Variants in JAM3 observed in about 807,000 individuals in gnomAD.
JAM3 encodes junctional adhesion molecule 3, also known as junctional adhesion molecule C.
In JAM3, 31 loss-of-function variants were observed where a neutral mutation model predicts 39.4. The ratio of observed to expected loss-of-function variants is 0.79; its 90% CI spans 0.59 to 1.06. The LOEUF (loss-of-function observed/expected upper bound fraction) is 1.06. JAM3 is among the 50% of genes least tolerant of loss of function. The probability of loss-of-function intolerance (pLI) is 0.00; values close to 1 mark genes in which losing one functional copy is unlikely to be tolerated. For synonymous variants in JAM3, 182 were observed against 148.7 expected (o/e 1.22, Z -1.63); for missense variants, 455 against 391.4 (o/e 1.16, Z -1.37).
chr11:134,088,402 T>A (rs977413727), intron 1 of JAM3, among the ~76,000 whole-genome samples: 9 of 152,278 alleles, frequency 5.9e-5, no homozygotes, highest in African/African-American at 2.2e-4. Context: ...CATTTTTTTT[T>A]TTATTTTTTA....
In JAM3 at chr11:134,144,841, C is replaced by A; in HGVS notation, c.459C>A (p.Gly153=). The A allele has an allele frequency of 6.2e-7, 1 of 1,614,212 alleles. No homozygotes were observed. Among genetic ancestry groups the A allele is most frequent in the Non-Finnish European group, 8.5e-7 (1 of 1,180,032 alleles). The change falls in exon 5 of 9, where the codon GGC becomes GGA. Residue 153 remains glycine (G), a synonymous_variant. Coordinates refer to ENST00000299106, the MANE Select transcript of JAM3 (RefSeq NM_032801.5). ...GAGTGCCGAAGGCTGTACCAGTAGGCAAGATGGCAACACTGCACTGCCAGG... is the reference window on the plus strand; with the variant it reads ...GAGTGCCGAAGGCTGTACCAGTAGGAAAGATGGCAACACTGCACTGCCAGG... ...VCRVPKAVPV[G]KMATLHCQES... is the part of the protein sequence containing the mutation.
intron 1 of JAM3, among the ~76,000 whole-genome samples, chr11:134,097,238 C>T (rs958353915): frequency 8.5e-5 from 13 of 152,142 alleles, no homozygotes; most frequent in African/African-American, 3.1e-4. Context: ...TTTGAACTTT[C>T]CTTAGAAACA....
intron 1 of JAM3, among the ~76,000 whole-genome samples, chr11:134,077,650 CTTTTTTTTT>C (rs71038558): frequency 1.4e-4 from 14 of 102,038 alleles, no homozygotes; most frequent in African/African-American, 5.1e-4. Flanking sequence ...TGGCTGGCGC[CTTTTTTTTT>C]TTTTTTTTTT....
chr11:134,109,839 A>G (rs988933406), intron 1 of JAM3, among the ~76,000 whole-genome samples: 2 of 152,238 alleles, frequency 1.3e-5, no homozygotes, highest in Non-Finnish European at 2.9e-5. Context: ...TGGAGTAGCT[A>G]CCTGGGGAGA....
chr11:134,141,302 G>A (rs541161480), intron 3 of JAM3, among the ~76,000 whole-genome samples: 2 of 152,252 alleles, frequency 1.3e-5, no homozygotes, highest in African/African-American at 2.4e-5. Flanking sequence ...GGTGTGAAGG[G>A]TGGCTGGTTA....
chr11:134,077,559 T>C (rs886693436), intron 1 of JAM3, among the ~76,000 whole-genome samples: 5 of 151,612 alleles, frequency 3.3e-5, no homozygotes, highest in African/African-American at 1.2e-4. Context: ...AGACAGGGTT[T>C]CTCCATGTTG....
At chr11:134,125,718 A>G (rs1942635923) in intron 1 of JAM3, among the ~76,000 whole-genome samples, 1 of 152,126 alleles carries the variant, frequency 6.6e-6, no homozygotes. Context: ...TACTCAGGAG[A>G]ATGTACAGCT....
chr11:134,073,456 T>C (rs777464050), intron 1 of JAM3, among the ~76,000 whole-genome samples: 9 of 152,220 alleles, frequency 5.9e-5, no homozygotes, highest in Admixed American at 1.3e-4. Flanking sequence ...CTGAAAATTA[T>C]TGCCAAAATC....
At chr11:134,128,251 C>T (rs1374991866) in intron 1 of JAM3, among the ~76,000 whole-genome samples, 1 of 152,158 alleles carries the variant, frequency 6.6e-6, no homozygotes, top group Non-Finnish European at 1.5e-5. Flanking sequence ...TTTGTTATTT[C>T]TGCTCACCTG....
At chr11:134,136,451 C>T (rs954651809) in intron 1 of JAM3, among the ~76,000 whole-genome samples, 3 of 152,206 alleles carry the variant, frequency 2.0e-5, no homozygotes, top group Admixed American at 1.3e-4. Context: ...TTCTTTTATA[C>T]AGTTACTACT....
chr11:134,138,198 A>G (rs1269659771), intron 1 of JAM3, among the ~76,000 whole-genome samples: 126 of 100,364 alleles, frequency 1.3e-3, no homozygotes, highest in Middle Eastern at 6.8e-3. Context: ...TGGTGCTCAT[A>G]CTGAGAGAAA....
At chr11:134,140,861 TA>T in intron 3 of JAM3, 91 bp downstream of exon 3, 2 of 1,504,784 alleles carry the variant, frequency 1.3e-6, no homozygotes, top group South Asian at 2.4e-5. Context: ...CTCAGACTGG[TA>T]ACCTGCATCT....
At chr11:134,132,920 T>G (rs947943170) in intron 1 of JAM3, among the ~76,000 whole-genome samples, 9 of 152,212 alleles carry the variant, frequency 5.9e-5, no homozygotes, top group Non-Finnish European at 7.3e-5. Flanking sequence ...TGCAGAGGCT[T>G]CTTCTCCTGA....
At chr11:134,069,679 G>A (rs1214266947) in intron 1 of JAM3, among the ~76,000 whole-genome samples, 1 of 152,190 alleles carries the variant, frequency 6.6e-6, no homozygotes, top group Non-Finnish European at 1.5e-5. Context: ...CGGCGTGGGC[G>A]CTGGAACTTG....
intron 6 of JAM3, among the ~76,000 whole-genome samples, chr11:134,147,101 C>G (rs2120369661): frequency 6.6e-6 from 1 of 152,228 alleles, no homozygotes; most frequent in South Asian, 2.1e-4. Flanking sequence ...CAGTTTTGCC[C>G]CAGACCTACT....
chr11:134,146,577 A>G (rs1021886900), intron 6 of JAM3, among the ~76,000 whole-genome samples: 2 of 151,890 alleles, frequency 1.3e-5, no homozygotes, highest in African/African-American at 4.8e-5. Context: ...AAAACAAAAA[A>G]CAAAAAACAC....
At position 134,120,967 on chromosome 11, in the gene JAM3, G is replaced by A. The variant is rs73600720; in HGVS notation, c.77-18884G>A. Among the ~76,000 whole-genome samples, 1,024 of 152,322 alleles carry A rather than the reference G, an allele frequency of 6.7e-3. 15 individuals carry two copies. Among genetic ancestry groups the A allele is most frequent in the African/African-American group, 0.023 (950 of 41,578 alleles). ...TTCAGAATAGTACAGGAAAGCAGGC[G>A]TCATCCTCATGCTCAACAATAGAGC... On this transcript the variant is annotated intron_variant, in intron 1 of 8. Transcript: ENST00000299106.
intron 1 of JAM3, among the ~76,000 whole-genome samples, chr11:134,099,998 G>C (rs1389705889): frequency 6.6e-6 from 1 of 152,120 alleles, no homozygotes; most frequent in African/African-American, 2.4e-5. Flanking sequence ...AAGTCAATGT[G>C]TGCTATTTTT....
intron 1 of JAM3, among the ~76,000 whole-genome samples, chr11:134,111,328 G>T (rs1942306180): frequency 6.6e-6 from 1 of 151,552 alleles, no homozygotes; most frequent in South Asian, 2.1e-4. Flanking sequence ...TTTTTTAGTA[G>T]AGACAGGGTT....
Sources: gnomAD v4.1 joint callset for allele counts (sites outside exome capture counted in the v4.1 genomes callset) on GRCh38, gnomAD v4.1.1 for gene constraint, MANE v1.5 for transcripts, NCBI Gene and HGNC (gene_info 2026-07-23, HGNC 2026-07-21) for gene names.